Variants in GNPAT observed in about 807,000 individuals in gnomAD.
GNPAT encodes the protein glyceronephosphate O-acyltransferase, also known as dihydroxyacetone phosphate acyltransferase.
In GNPAT, 30 loss-of-function variants were observed where a neutral mutation model predicts 78.4. That is an observed-to-expected ratio of 0.38 (90% CI 0.29 to 0.52). GNPAT has a LOEUF of 0.52. Ranked by LOEUF, GNPAT falls within the 20% of genes least tolerant of loss-of-function variation. The pLI is 0.84. For synonymous variants in GNPAT, 271 were observed against 281.1 expected (o/e 0.96, Z 0.36); for missense variants, 714 against 812.2 (o/e 0.88, Z 1.47).
chr1:231,260,797 T>TCA (rs1479000078), intron 3 of GNPAT, 114 bp downstream of exon 3: 1 of 736,884 alleles, frequency 1.4e-6, no homozygotes, highest in African/African-American at 1.8e-5. Flanking sequence ...CAAGGACAGC[T>TCA]CACTTGGTCA....
In GNPAT at chr1:231,270,847, G is replaced by C. The variant is rs779544478; in HGVS notation, c.1369G>C (p.Val457Leu). ...SLVKDQVILK[V>L]DSGDSEVVDG... is the part of the protein sequence containing the mutation. ...TGTCAAAGACCAGGTGATTCTGAAA[G>C]TGGACTCCGGAGACTCGGAAGTGGT... is the stretch of plus-strand genomic sequence containing the variant. Residue 457 changes from valine to leucine, a missense_variant, in exon 10 of 16, where the codon GTG becomes CTG. Physicochemically the swap from Val to Leu is conservative, Grantham distance 32. Coordinates refer to ENST00000366647, the MANE Select transcript of GNPAT (RefSeq NM_014236.4). 5.4e-5 allele frequency: 87 copies of C among 1,614,028 alleles called. No homozygotes were observed. The highest frequency in any genetic ancestry group is 7.1e-5 in the Non-Finnish European group (84 of 1,179,996).
chr1:231,274,254 G>A (rs1685648893), intron 12 of GNPAT, among the ~76,000 whole-genome samples, 192 bp downstream of exon 12: 1 of 152,214 alleles, frequency 6.6e-6, no homozygotes, highest in Non-Finnish European at 1.5e-5. Context: ...TCAGGAGGAA[G>A]CTTGGTTCAT....
chr1:231,261,932 T>TA (rs550933325), intron 3 of GNPAT, among the ~76,000 whole-genome samples: 19 of 152,210 alleles, frequency 1.2e-4, no homozygotes, highest in Non-Finnish European at 2.5e-4. Context: ...ATTGCTGACT[T>TA]ATACCCTGAA....
intron 2 of GNPAT, among the ~76,000 whole-genome samples, chr1:231,252,751 A>G (rs993214264): frequency 2.6e-5 from 4 of 152,176 alleles, no homozygotes; most frequent in African/African-American, 9.7e-5. Flanking sequence ...AAGGAAAACA[A>G]GCATGTATGC....
chr1:231,261,765 T>C (rs1233858758), intron 3 of GNPAT, among the ~76,000 whole-genome samples: 1 of 152,236 alleles, frequency 6.6e-6, no homozygotes, highest in Non-Finnish European at 1.5e-5. Flanking sequence ...GCTTTCCTTA[T>C]GAAGAGTATT....
chr1:231,266,780 T>A (rs1250595435), intron 8 of GNPAT, among the ~76,000 whole-genome samples: 2 of 152,214 alleles, frequency 1.3e-5, no homozygotes, highest in Admixed American at 6.5e-5. Context: ...TAGAAAGGAT[T>A]GCATAATGGT....
rs368525595 is a variant in GNPAT, at chr1:231,276,059, T to A, written c.1938-76T>A. 8.0e-5 allele frequency: 59 copies of A among 738,292 alleles called. 1 individual carries two copies. The South Asian group carries it at 8.2e-4, about 10-fold the overall frequency. The allele number at this position is 738,292 out of a possible 1,614,324, so 45.7% of individuals were successfully genotyped here. On this transcript the variant is annotated intron_variant, in intron 14 of 15. Coordinates refer to ENST00000366647, the MANE Select transcript of GNPAT (RefSeq NM_014236.4). ...AATTGAAAAGTAGTCTTACAATAGC[T>A]ACGTCAGGAACAAAATATAAAAGTT...
At chr1:231,258,401 C>T (rs1280618830) in intron 2 of GNPAT, 1 of 152,328 alleles carries the variant, frequency 6.6e-6, no homozygotes, top group Non-Finnish European at 1.5e-5. Context: ...CGCCTGCTCT[C>T]CTGGTCACAG....
intron 11 of GNPAT, 22 bp downstream of exon 11, chr1:231,272,413 G>A (rs758768266): frequency 1.6e-6 from 2 of 1,263,396 alleles, no homozygotes; most frequent in Non-Finnish European, 2.3e-6. Context: ...ACAACAAAGA[G>A]CAAGTATGTT....
At chr1:231,249,268 G>A (rs1294296916) in intron 1 of GNPAT, among the ~76,000 whole-genome samples, 2 of 152,184 alleles carry the variant, frequency 1.3e-5, no homozygotes, top group Non-Finnish European at 2.9e-5. Context: ...AACTCCAACA[G>A]TGAAAAGACC....
At chr1:231,247,625 C>T (rs1347633009) in intron 1 of GNPAT, among the ~76,000 whole-genome samples, 1 of 152,162 alleles carries the variant, frequency 6.6e-6, no homozygotes, top group Non-Finnish European at 1.5e-5. Context: ...ATAACTGGTA[C>T]CACCATCCAC....
Position 231,241,342 on chromosome 1 carries a change from A to G in GNPAT, c.-37A>G, listed in dbSNP as rs376265823. 3 of 1,565,378 alleles carry G rather than the reference A, an allele frequency of 1.9e-6. No individual in the cohort carries two copies. The African/African-American group carries it at 4.1e-5, about 21-fold the overall frequency. ...GCAGGAGCACCACCACGGCTTAGCA[A>G]AGAATCCCAGACCCCGCCCGGGAAG... On this transcript the variant is annotated 5_prime_UTR_variant, in exon 1 of 16. Transcript: ENST00000366647.
At chr1:231,265,256 C>A in intron 4 of GNPAT, 37 bp from the exon 5 acceptor site, 7 of 1,470,244 alleles carry the variant, frequency 4.8e-6, no homozygotes, top group Non-Finnish European at 6.7e-6. Context: ...TAGAAGATTT[C>A]AAGATCTGCA....
chr1:231,256,303 C>G (rs1348674014), intron 2 of GNPAT, among the ~76,000 whole-genome samples: 1 of 151,864 alleles, frequency 6.6e-6, no homozygotes, highest in Non-Finnish European at 1.5e-5. Context: ...CCTCCCACCC[C>G]TACCCCTGAG....
chr1:231,275,057 A>C (rs947183410), intron 12 of GNPAT, 164 bp from the exon 13 acceptor site: 14 of 610,844 alleles, frequency 2.3e-5, no homozygotes, highest in Admixed American at 1.4e-4. Context: ...GATGCCCTAA[A>C]AATTCTTTGG....
chr1:231,271,473 C>G (rs191892651), intron 10 of GNPAT, among the ~76,000 whole-genome samples: 20 of 152,212 alleles, frequency 1.3e-4, no homozygotes, highest in Admixed American at 1.1e-3. Flanking sequence ...GTAGTCAAGG[C>G]CAGGGGGTTC....
At chr1:231,276,729 A>G (rs1302494379) in intron 15 of GNPAT, among the ~76,000 whole-genome samples, 3 of 152,224 alleles carry the variant, frequency 2.0e-5, no homozygotes, top group Non-Finnish European at 1.5e-5. Context: ...CTTCCTTGAC[A>G]TAAGAGTCCT....
chr1:231,258,378 C>T (rs1255787208), intron 2 of GNPAT: 1 of 152,238 alleles, frequency 6.6e-6, no homozygotes, highest in Non-Finnish European at 1.5e-5. Flanking sequence ...TTAGTCCAGT[C>T]TCAGAGAAAA....
At chr1:231,261,094 A>G (rs1443541410) in intron 3 of GNPAT, among the ~76,000 whole-genome samples, 1 of 152,230 alleles carries the variant, frequency 6.6e-6, no homozygotes, top group Non-Finnish European at 1.5e-5. Flanking sequence ...TAAGGGCATT[A>G]TCTTATGGTA....
Sources: gnomAD v4.1 joint callset for allele counts (sites outside exome capture counted in the v4.1 genomes callset) on GRCh38, gnomAD v4.1.1 for gene constraint, MANE v1.5 for transcripts, NCBI Gene and HGNC (gene_info 2026-07-23, HGNC 2026-07-21) for gene names.